The following DPF3 variants were observed in gnomAD, a reference collection of about 807,000 sequenced individuals.
DPF3 encodes double PHD fingers 3.
DPF3 carries 18 observed loss-of-function variants against 56.8 expected under a neutral mutation model. The observed-to-expected ratio is 0.32, with a 90% CI of 0.22 to 0.47. The LOEUF is 0.47. Ranked by LOEUF, DPF3 falls within the 20% of genes least tolerant of loss-of-function variation. The pLI is 1.00. For synonymous variants in DPF3, 188 were observed against 180.2 expected, an observed-to-expected ratio of 1.04 and a Z score of -0.35; for missense variants, 403 against 488.8, an observed-to-expected ratio of 0.82 and a Z score of 1.65.
intron 3 of DPF3, among the ~76,000 whole-genome samples, chr14:72,744,998 G>C (rs552458438): frequency 6.6e-6 from 1 of 152,122 alleles, no homozygotes; most frequent in South Asian, 2.1e-4. Context: ...AACAGTACTA[G>C]GCAAAACTAG....
chr14:72,791,293 T>A (rs966659469), intron 1 of DPF3, among the ~76,000 whole-genome samples: 26 of 152,362 alleles, frequency 1.7e-4, no homozygotes, highest in Middle Eastern at 3.4e-3. Flanking sequence ...CTACATGGCC[T>A]CTGCCCCTCC....
chr14:72,823,582 A>G (rs1401725566), intron 1 of DPF3, among the ~76,000 whole-genome samples: 1 of 152,172 alleles, frequency 6.6e-6, no homozygotes, highest in East Asian at 1.9e-4. Context: ...GCGAGGAGTC[A>G]GGGGAATCTT....
rs575319053 is a variant in DPF3 at position 72,711,730 on chromosome 14, C to G, written c.604+2693G>C. ...TCGTAGGGGAAAGATGCGCAAACGA[C>G]AAGGGGACCTGTAGGAGAGAAAATC... On this transcript the variant is annotated intron_variant, in intron 6 of 10. Coordinates refer to ENST00000556509, the MANE Select transcript of DPF3 (RefSeq NM_001280542.3). 5.1e-4 allele frequency among the ~76,000 whole-genome samples: 77 copies of G among 152,182 alleles called. 1 individual carries two copies. In the South Asian group the frequency reaches 0.015, roughly 29 times the overall value.
chr14:72,619,877 C>A (rs1329555918), intron 10 of DPF3, 26 bp downstream of exon 10: 14 of 1,521,270 alleles, frequency 9.2e-6, no homozygotes. Flanking sequence ...TGTTGCTGTT[C>A]TTATTGTTGA....
intron 1 of DPF3, among the ~76,000 whole-genome samples, chr14:72,833,594 G>C (rs1884155950): frequency 6.6e-6 from 1 of 152,102 alleles, no homozygotes; most frequent in Admixed American, 6.6e-5. Flanking sequence ...GGGCAGTCAG[G>C]GAAGAAGAGA....
Position 72,612,359 on chromosome 14 carries a change from A to G in DPF3, c.*6938T>C. 1 of 449,230 alleles carries G rather than the reference A, an allele frequency of 2.2e-6. No individual in the cohort carries two copies. Among genetic ancestry groups the G allele is most frequent in the Non-Finnish European group, 4.4e-6 (1 of 225,262 alleles). 27.8% of individuals were successfully genotyped at this position (449,230 alleles called of 1,614,324 possible). A position where few individuals can be genotyped will look rare whatever the true frequency, so the allele number is the denominator to read the frequency against. ...GCCTCTCTCCAGCCACCTGCTCCCCACCTCCTCTGCTCTGAGATAATCATT... is the reference window on the plus strand; with the variant it reads ...GCCTCTCTCCAGCCACCTGCTCCCCGCCTCCTCTGCTCTGAGATAATCATT... On this transcript the variant is annotated 3_prime_UTR_variant, in exon 11 of 11. Transcript: ENST00000556509.
intron 1 of DPF3, among the ~76,000 whole-genome samples, chr14:72,867,745 T>C (rs1262276514): frequency 1.3e-5 from 2 of 152,302 alleles, no homozygotes; most frequent in East Asian, 3.9e-4. Context: ...TTGTTTTTTG[T>C]TTTTTGTTTT....
intron 6 of DPF3, among the ~76,000 whole-genome samples, chr14:72,712,011 T>A (rs1888673067): frequency 6.7e-6 from 1 of 149,670 alleles, no homozygotes. Context: ...AAAAATAAAG[T>A]CTATTAATCA....
intron 1 of DPF3, among the ~76,000 whole-genome samples, chr14:72,868,394 C>T (rs1169699984): frequency 2.6e-5 from 4 of 152,288 alleles, no homozygotes; most frequent in African/African-American, 9.6e-5. Flanking sequence ...ATAACCACTC[C>T]CACACACATT....
chr14:72,756,852 GAAAGAAAGAAAGAAAGA>G (rs1567222879), intron 2 of DPF3, among the ~76,000 whole-genome samples: 3 of 87,132 alleles, frequency 3.4e-5, no homozygotes, highest in East Asian at 6.6e-4. Flanking sequence ...AAGAAAGAAA[GAAAGAAAGAAAGAAAGA>G]AAGGAAGGAA....
chr14:72,679,786 G>A (rs1275695310), intron 7 of DPF3, among the ~76,000 whole-genome samples: 2 of 152,360 alleles, frequency 1.3e-5, no homozygotes, highest in South Asian at 2.1e-4. Flanking sequence ...TTCAGAGGAC[G>A]ACGGAGGGAA....
chr14:72,843,107 G>A (rs1258782998), intron 1 of DPF3, among the ~76,000 whole-genome samples: 1 of 152,154 alleles, frequency 6.6e-6, no homozygotes, highest in East Asian at 1.9e-4. Context: ...TATTTGTCAT[G>A]TATCATTCCG....
At chr14:72,677,208 G>A (rs1886947905) in intron 7 of DPF3, among the ~76,000 whole-genome samples, 1 of 152,174 alleles carries the variant, frequency 6.6e-6, no homozygotes, top group African/African-American at 2.4e-5. Flanking sequence ...GTCTGGCAAT[G>A]GCCCAGTATA....
intron 6 of DPF3, among the ~76,000 whole-genome samples, chr14:72,707,374 T>C (rs1387152199): frequency 1.3e-5 from 2 of 152,188 alleles, no homozygotes; most frequent in Non-Finnish European, 2.9e-5. Context: ...ATGGTATTTC[T>C]AGTTCTAGAT....
At chr14:72,743,620 A>G (rs1890216627) in intron 3 of DPF3, among the ~76,000 whole-genome samples, 1 of 151,656 alleles carries the variant, frequency 6.6e-6, no homozygotes, top group African/African-American at 2.4e-5. Context: ...AAAAAAAGGA[A>G]AAGAAAAAGA....
At chr14:72,835,383 G>T (rs183845294) in intron 1 of DPF3, among the ~76,000 whole-genome samples, 6 of 152,342 alleles carry the variant, frequency 3.9e-5, no homozygotes, top group African/African-American at 1.4e-4. Context: ...TCTTTGTAGG[G>T]TGATGAAAAT....
At chr14:72,768,414 T>C (rs1045701911) in intron 2 of DPF3, among the ~76,000 whole-genome samples, 1 of 152,184 alleles carries the variant, frequency 6.6e-6, no homozygotes, top group East Asian at 1.9e-4. Flanking sequence ...AATAGAATAG[T>C]TTTGTATCTT....
rs374790524 is a variant in DPF3 at position 72,857,194 on chromosome 14, A to C, written c.32+36863T>G. On this transcript the variant is annotated intron_variant, in intron 1 of 10. Coordinates refer to ENST00000556509, the MANE Select transcript of DPF3 (RefSeq NM_001280542.3). ...CTTGTCAAGGCAGCACCTCTAAACC[A>C]TGTATGGAGAGAAGACACACAAACC... Among the ~76,000 whole-genome samples the C allele has an allele frequency of 3.9e-5, 6 of 152,304 alleles. No individual in the cohort carries two copies. In the East Asian group the frequency reaches 5.8e-4, roughly 15 times the overall value.
chr14:72,756,880 A>AAGGAAGGAAG (rs1567222976), intron 2 of DPF3, among the ~76,000 whole-genome samples: 83 of 101,786 alleles, frequency 8.2e-4, no homozygotes, highest in African/African-American at 3.1e-3. Flanking sequence ...AAGGAAGGAA[A>AAGGAAGGAAG]GAAGGAAAGA....
Sources: allele counts gnomAD v4.1 joint callset (sites outside exome capture counted in the v4.1 genomes callset), GRCh38; gene constraint gnomAD v4.1.1; transcripts MANE v1.5; gene names NCBI Gene and HGNC (gene_info 2026-07-23, HGNC 2026-07-21).